AKAP19: variants seen among roughly 807,000 people sequenced by gnomAD.
AKAP19 encodes the protein small A-kinase anchoring protein.
chr2:190,009,004 G>C, the AKAP19 span, among the ~76,000 whole-genome samples: 1 of 152,054 alleles, frequency 6.6e-6, no homozygotes, highest in East Asian at 1.9e-4. Flanking sequence ...GCTGTCTGGG[G>C]TTCCAGACAG....
the AKAP19 span, among the ~76,000 whole-genome samples, chr2:189,996,477 G>C: frequency 2.6e-5 from 4 of 151,942 alleles, no homozygotes; most frequent in Admixed American, 2.0e-4. Context: ...TTTCTCTGGA[G>C]CATTTTTCAT....
the AKAP19 span, among the ~76,000 whole-genome samples, chr2:189,969,185 A>G: frequency 6.6e-6 from 1 of 152,028 alleles, no homozygotes; most frequent in Admixed American, 6.6e-5. Context: ...GCCCAAGGTG[A>G]TAGTATTAAG....
At chr2:190,192,108 C>T in the AKAP19 span, among the ~76,000 whole-genome samples, 1 of 151,958 alleles carries the variant, frequency 6.6e-6, no homozygotes, top group Non-Finnish European at 1.5e-5. Context: ...ACTATGATCC[C>T]TTTTGAGTTA....
At chr2:189,917,435 T>C in the AKAP19 span, 1 of 775,358 alleles carries the variant, frequency 1.3e-6, no homozygotes, top group Non-Finnish European at 2.2e-6. Context: ...TGTCTGTTTT[T>C]TTTCTAGCTC....
the AKAP19 span, among the ~76,000 whole-genome samples, chr2:189,939,282 A>G: frequency 6.6e-6 from 1 of 152,172 alleles, no homozygotes; most frequent in Admixed American, 6.5e-5. Flanking sequence ...CAGACTTTCT[A>G]CACGTTACTG....
chr2:190,039,448 C>T, the AKAP19 span, among the ~76,000 whole-genome samples: 10 of 152,166 alleles, frequency 6.6e-5, no homozygotes, highest in South Asian at 4.1e-4. Flanking sequence ...TAGTGGAAAA[C>T]TGTAAATTTC....
the AKAP19 span, among the ~76,000 whole-genome samples, chr2:189,942,759 T>C: frequency 6.6e-6 from 1 of 152,232 alleles, no homozygotes; most frequent in African/African-American, 2.4e-5. Context: ...TGTTATGCCT[T>C]AGCAAAGAGC....
the AKAP19 span, among the ~76,000 whole-genome samples, chr2:189,980,252 C>A: frequency 6.6e-6 from 1 of 152,160 alleles, no homozygotes; most frequent in Non-Finnish European, 1.5e-5. Flanking sequence ...GAAATCATAT[C>A]CTTTGCAGCA....
the AKAP19 span, among the ~76,000 whole-genome samples, chr2:190,138,786 A>G: frequency 3.9e-5 from 6 of 152,314 alleles, no homozygotes; most frequent in African/African-American, 1.4e-4. Context: ...GGTTTTTATC[A>G]TCTTTAGCTC....
At chr2:190,061,355 T>C in the AKAP19 span, among the ~76,000 whole-genome samples, 1 of 152,064 alleles carries the variant, frequency 6.6e-6, no homozygotes, top group African/African-American at 2.4e-5. Context: ...GAAAGTATTC[T>C]TTTGAGCTGA....
the AKAP19 span, among the ~76,000 whole-genome samples, chr2:190,066,057 G>C: frequency 2.0e-5 from 3 of 152,136 alleles, no homozygotes; most frequent in African/African-American, 7.2e-5. Flanking sequence ...AACTGGGAGA[G>C]CTGCGTCTAT....
chr2:189,966,801 T>A, the AKAP19 span, among the ~76,000 whole-genome samples: 1 of 152,194 alleles, frequency 6.6e-6, no homozygotes, highest in Non-Finnish European at 1.5e-5. Context: ...CATAGAGATA[T>A]ATATTACTTC....
At chr2:189,989,440 A>T in the AKAP19 span, among the ~76,000 whole-genome samples, 20,471 of 151,602 alleles carry the variant, frequency 0.14, 1,540 homozygotes, top group Middle Eastern at 0.25. Flanking sequence ...ATTAAAAATT[A>T]AAAAAAAAGA....
the AKAP19 span, among the ~76,000 whole-genome samples, chr2:190,126,892 G>A: frequency 6.6e-6 from 1 of 152,006 alleles, no homozygotes; most frequent in Admixed American, 6.5e-5. Context: ...TAGATGTTGG[G>A]AAAGAAGATG....
At chr2:190,009,354 T>G in the AKAP19 span, among the ~76,000 whole-genome samples, 1 of 152,190 alleles carries the variant, frequency 6.6e-6, no homozygotes, top group Non-Finnish European at 1.5e-5. Flanking sequence ...TGGCTCATAC[T>G]GAAGCCACAT....
At chr2:190,199,702 C>CACTACACGT in the AKAP19 span, 4 of 1,449,800 alleles carry the variant, frequency 2.8e-6, no homozygotes, top group African/African-American at 2.8e-5. Context: ...GACAGGTAAA[C>CACTACACGT]ACTACACGTG....
the AKAP19 span, among the ~76,000 whole-genome samples, chr2:190,070,624 C>CT: frequency 5.7e-4 from 78 of 137,104 alleles, no homozygotes; most frequent in Middle Eastern, 3.5e-3. Context: ...TCCCCCCCCC[C>CT]TTTTTTTTTG....
chr2:190,103,106 T>C, the AKAP19 span, among the ~76,000 whole-genome samples: 1 of 152,112 alleles, frequency 6.6e-6, no homozygotes, highest in Non-Finnish European at 1.5e-5. Flanking sequence ...ATTATTTCAA[T>C]AGATACAGAA....
chr2:190,105,584 A>T, the AKAP19 span, among the ~76,000 whole-genome samples: 1 of 152,206 alleles, frequency 6.6e-6, no homozygotes, highest in Non-Finnish European at 1.5e-5. Context: ...CCTCTGCCTT[A>T]CAACCTTTCA....
Sources: allele counts gnomAD v4.1 joint callset (sites outside exome capture counted in the v4.1 genomes callset), GRCh38; gene constraint gnomAD v4.1.1; transcripts MANE v1.5; gene names NCBI Gene and HGNC (gene_info 2026-07-23, HGNC 2026-07-21).